The following STK38L variants were observed in gnomAD, a reference collection of about 807,000 sequenced individuals.
The protein encoded by STK38L is serine/threonine-protein kinase 38-like.
Under a neutral mutation model 59.7 loss-of-function variants are expected in STK38L, and 28 were observed. The ratio of observed to expected loss-of-function variants is 0.47; its 90% CI spans 0.35 to 0.64. The LOEUF is 0.64. Among genes scored for constraint, STK38L ranks in the 30% least tolerant of loss-of-function variants. STK38L has a pLI of 0.01. For missense variants in STK38L, 314 were observed against 555.8 expected (o/e 0.56, Z 4.37); for synonymous variants, 162 against 176.8 (o/e 0.92, Z 0.66).
chr12:27,308,227 T>C lies in STK38L; in HGVS notation c.187-112T>C. 1.9e-6 allele frequency: 2 copies of C among 1,044,506 alleles called. No homozygotes were observed. The highest frequency in any genetic ancestry group is 2.6e-6 in the Non-Finnish European group (2 of 777,500). The allele number at this position is 1,044,506 out of a possible 1,614,324, so 64.7% of individuals were successfully genotyped here. On this transcript the variant is annotated intron_variant, in intron 3 of 13. Coordinates refer to ENST00000389032, the MANE Select transcript of STK38L (RefSeq NM_015000.4). This position sits in a 1 kb window ranked among gnomAD's most constrained non-coding sequence, Gnocchi z 4.5. ...TAAATTGTTTTAGCCTAATAGTATA[T>C]TACATATTAGTGCTATCATTTATTT... is the stretch of plus-strand genomic sequence containing the variant.
chr12:27,263,400 C>G (rs1329062110), intron 1 of STK38L, among the ~76,000 whole-genome samples: 1 of 150,766 alleles, frequency 6.6e-6, no homozygotes, highest in Non-Finnish European at 1.5e-5. Context: ...TTAAAGAACT[C>G]TTTCAAAAGA....
intron 1 of STK38L, among the ~76,000 whole-genome samples, chr12:27,274,428 G>A (rs1284230669): frequency 6.6e-6 from 1 of 152,082 alleles, no homozygotes; most frequent in African/African-American, 2.4e-5. Flanking sequence ...CAAATCTGGG[G>A]GGAAAGATTA....
intron 1 of STK38L, among the ~76,000 whole-genome samples, chr12:27,256,914 G>A (rs575002664): frequency 2.6e-5 from 4 of 152,084 alleles, no homozygotes; most frequent in Admixed American, 6.6e-5. Flanking sequence ...ATGTGGTTCC[G>A]TTTTACATCA....
rs372289940 is a variant in STK38L at position 27,297,813 on chromosome 12, T to G, written c.93T>G (p.Phe31Leu). 3.7e-6 allele frequency: 6 copies of G among 1,613,968 alleles called. No homozygotes were observed. The highest frequency in any genetic ancestry group is 1.3e-5 in the African/African-American group (1 of 74,894). The change falls in exon 2 of 14, where the codon TTT becomes TTG. Residue 31 changes from phenylalanine to leucine, a missense_variant. By Grantham distance (22) the Phe-to-Leu change is conservative. Coordinates refer to ENST00000389032, the MANE Select transcript of STK38L (RefSeq NM_015000.4). ...TAGCCAAGCTCACATTGGAGAATTTTTATAGCAACCTAATTTTACAGCATG... is the reference window on the plus strand; with the variant it reads ...TAGCCAAGCTCACATTGGAGAATTTGTATAGCAACCTAATTTTACAGCATG... The part of the protein sequence containing the change: ...VTVAKLTLEN[F>L]YSNLILQHEE...
Position 27,256,077 on chromosome 12 carries a change from C to G in STK38L, c.-12+11745C>G, listed in dbSNP as rs138890445. Among the ~76,000 whole-genome samples the G allele has an allele frequency of 4.9e-4, 75 of 152,256 alleles. No homozygotes were observed. The East Asian group carries it at 0.013, about 27-fold the overall frequency. Reference sequence around the variant, plus strand: ...ACATCTAGTCATTTTTTAGGTCTTCCTTAACTATGTCTTGAACTCTGCCTT... The same window carrying G: ...ACATCTAGTCATTTTTTAGGTCTTCGTTAACTATGTCTTGAACTCTGCCTT... On this transcript the variant is annotated intron_variant, in intron 1 of 13. Coordinates refer to ENST00000389032, the MANE Select transcript of STK38L (RefSeq NM_015000.4).
intron 2 of STK38L, 72 bp downstream of exon 2, chr12:27,297,926 T>A (rs1303432671): frequency 1.3e-6 from 2 of 1,556,370 alleles, no homozygotes; most frequent in East Asian, 4.5e-5. Context: ...TAGAAACTTG[T>A]TTACCATGAA....
chr12:27,255,643 G>A (rs1307187064), intron 1 of STK38L, among the ~76,000 whole-genome samples: 1 of 152,096 alleles, frequency 6.6e-6, no homozygotes. Flanking sequence ...TAAAGACAAG[G>A]AACTTAACAG....
At chr12:27,287,945 C>T (rs1158378835) in intron 1 of STK38L, among the ~76,000 whole-genome samples, 3 of 152,162 alleles carry the variant, frequency 2.0e-5, no homozygotes, top group Non-Finnish European at 2.9e-5. Flanking sequence ...CGCAGTGGTG[C>T]GATCTTGGCT....
chr12:27,294,455 C>T (rs887386201), intron 1 of STK38L, among the ~76,000 whole-genome samples: 15 of 146,188 alleles, frequency 1.0e-4, no homozygotes, highest in Non-Finnish European at 1.9e-4. Flanking sequence ...TGCAGTGAGC[C>T]GAGATCACGC....
intron 1 of STK38L, among the ~76,000 whole-genome samples, chr12:27,277,104 A>G (rs543195818): frequency 6.6e-6 from 1 of 152,328 alleles, no homozygotes; most frequent in South Asian, 2.1e-4. Context: ...ATACAAAGCT[A>G]TAAAGTATGA....
intron 1 of STK38L, among the ~76,000 whole-genome samples, chr12:27,267,897 G>T (rs985694097): frequency 1.3e-5 from 2 of 151,874 alleles, no homozygotes; most frequent in Admixed American, 1.3e-4. Context: ...ATTCCTATTC[G>T]GGTTTTTTGC....
chr12:27,299,819 G>A (rs961376709), intron 2 of STK38L, among the ~76,000 whole-genome samples: 2 of 151,864 alleles, frequency 1.3e-5, no homozygotes, highest in African/African-American at 4.8e-5. Flanking sequence ...CAAAAAGAAT[G>A]CAAGAGAGAA....
intron 6 of STK38L, among the ~76,000 whole-genome samples, chr12:27,314,180 A>G (rs559593202): frequency 5.3e-5 from 8 of 152,290 alleles, no homozygotes; most frequent in African/African-American, 1.9e-4. Context: ...GCAGGCAGAT[A>G]GCTTGAAACC....
intron 11 of STK38L, among the ~76,000 whole-genome samples, 167 bp from the exon 12 acceptor site, chr12:27,319,161 G>A (rs9651826): frequency 0.048 from 7,273 of 152,122 alleles, 575 homozygotes; most frequent in African/African-American, 0.17. Flanking sequence ...TAAACAGTGC[G>A]CTTACAGATG....
At chr12:27,291,782 T>C (rs1943903163) in intron 1 of STK38L, among the ~76,000 whole-genome samples, 2 of 152,194 alleles carry the variant, frequency 1.3e-5, no homozygotes, top group South Asian at 4.1e-4. Flanking sequence ...ATTTTTATAC[T>C]ACAAGGCAAT....
Position 27,317,889 on chromosome 12 carries a change from T to G in STK38L, c.956-7T>G. 6.2e-7 allele frequency: 1 copy of G among 1,613,090 alleles called. No individual in the cohort carries two copies. Among genetic ancestry groups the G allele is most frequent in the South Asian group, 1.1e-5 (1 of 91,014 alleles). On this transcript the variant is annotated splice_region_variant and splice_polypyrimidine_tract_variant and intron_variant, in intron 10 of 13. Transcript: ENST00000389032. ...GATGAAACATTTTTGATTTATTTGA[T>G]ACATAGGATATCCACCTTTCTGCTC...
chr12:27,261,979 G>A (rs1486809923), intron 1 of STK38L, among the ~76,000 whole-genome samples: 1 of 152,248 alleles, frequency 6.6e-6, no homozygotes, highest in Non-Finnish European at 1.5e-5. Flanking sequence ...GAAGCAGTCA[G>A]TAAATGTTAG....
At chr12:27,287,156 A>G (rs1433941004) in intron 1 of STK38L, among the ~76,000 whole-genome samples, 3 of 151,166 alleles carry the variant, frequency 2.0e-5, no homozygotes, top group Middle Eastern at 3.2e-3. Context: ...CTGGAGTGCA[A>G]TGGTGCGTGT....
intron 1 of STK38L, among the ~76,000 whole-genome samples, chr12:27,276,449 C>T (rs1469530534): frequency 6.6e-6 from 1 of 152,002 alleles, no homozygotes; most frequent in African/African-American, 2.4e-5. Context: ...AAGCTGTTCC[C>T]AGGACCACGA....
Sources: gnomAD v4.1 joint callset for allele counts (sites outside exome capture counted in the v4.1 genomes callset) on GRCh38, gnomAD v4.1.1 for gene constraint, Gnocchi (gnomAD v3.1) non-coding constraint, MANE v1.5 for transcripts, NCBI Gene and HGNC (gene_info 2026-07-23, HGNC 2026-07-21) for gene names.